SKAP2: variants seen among roughly 807,000 people sequenced by gnomAD.
SKAP2 encodes src kinase-associated phosphoprotein 2.
Under a neutral mutation model 54.9 loss-of-function variants are expected in SKAP2, and 28 were observed. That is an observed-to-expected ratio of 0.51 (90% CI 0.38 to 0.70). The LOEUF is 0.70. Among genes scored for constraint, SKAP2 ranks in the 30% least tolerant of loss-of-function variants. The pLI is 0.00. For missense variants in SKAP2, 356 were observed against 424.1 expected (o/e 0.84, Z 1.41); for synonymous variants, 137 against 134.3 (o/e 1.02, Z -0.14).
chr7:26,781,510 T>C (rs3801847), intron 4 of SKAP2, among the ~76,000 whole-genome samples: 45,508 of 152,108 alleles, frequency 0.3, 7,110 homozygotes, highest in Middle Eastern at 0.37. Context: ...AAACAGCTGA[T>C]GAGTCAACTT....
intron 9 of SKAP2, among the ~76,000 whole-genome samples, chr7:26,692,822 C>G (rs1479290332): frequency 1.3e-5 from 2 of 152,068 alleles, no homozygotes; most frequent in East Asian, 1.9e-4. Flanking sequence ...AGTCATTATT[C>G]CAACCTACTC....
In SKAP2 at chr7:26,701,295, A is replaced by T. The variant is rs115768004; in HGVS notation, c.797-10933T>A. 8.4e-3 allele frequency among the ~76,000 whole-genome samples: 1,282 copies of T among 152,322 alleles called. 16 individuals are homozygous for T. The highest frequency in any genetic ancestry group is 0.029 in the African/African-American group (1,218 of 41,570). On this transcript the variant is annotated intron_variant, in intron 9 of 12. Transcript: ENST00000345317. ...GAAACTGAGCTGTTTTCTCTGAACC[A>T]CTGTCTCTAATAAGTTTTGAAAACA...
At chr7:26,742,148 A>G (rs1782468666) in intron 4 of SKAP2, among the ~76,000 whole-genome samples, 1 of 152,192 alleles carries the variant, frequency 6.6e-6, no homozygotes, top group South Asian at 2.1e-4. Flanking sequence ...TTACAAACAG[A>G]AATCTTATCT....
intron 4 of SKAP2, among the ~76,000 whole-genome samples, chr7:26,769,302 A>G (rs939699228): frequency 2.0e-5 from 3 of 152,162 alleles, no homozygotes; most frequent in Non-Finnish European, 2.9e-5. Flanking sequence ...TTTCAGCTCC[A>G]TCAGGTCATT....
At chr7:26,838,451 A>T (rs974887895) in intron 4 of SKAP2, among the ~76,000 whole-genome samples, 1 of 152,174 alleles carries the variant, frequency 6.6e-6, no homozygotes, top group Admixed American at 6.5e-5. Flanking sequence ...TACCCGGTTC[A>T]AACTCTTCAT....
intron 9 of SKAP2, among the ~76,000 whole-genome samples, chr7:26,698,838 G>C (rs1786957697): frequency 6.6e-6 from 1 of 152,170 alleles, no homozygotes; most frequent in Non-Finnish European, 1.5e-5. Context: ...GATAAAATTT[G>C]AGCTTTCAAG....
intron 10 of SKAP2, among the ~76,000 whole-genome samples, chr7:26,688,040 GT>G (rs1308773130): frequency 6.6e-6 from 1 of 151,996 alleles, no homozygotes; most frequent in East Asian, 1.9e-4. Context: ...TTAAAACAAT[GT>G]TTTTACTCCT....
At chr7:26,753,627 A>C (rs1782730722) in intron 4 of SKAP2, among the ~76,000 whole-genome samples, 1 of 152,200 alleles carries the variant, frequency 6.6e-6, no homozygotes, top group African/African-American at 2.4e-5. Context: ...CACCTTTCAC[A>C]GTAGTCTTGA....
chr7:26,744,264 A>T (rs2127963576), intron 4 of SKAP2, among the ~76,000 whole-genome samples: 1 of 152,336 alleles, frequency 6.6e-6, no homozygotes, highest in East Asian at 1.9e-4. Context: ...AATTATTTCA[A>T]AATGAAAAAT....
intron 4 of SKAP2, among the ~76,000 whole-genome samples, chr7:26,839,527 C>A (rs76420478): frequency 0.01 from 1,539 of 151,914 alleles, 13 homozygotes; most frequent in Middle Eastern, 0.041. Flanking sequence ...GAACAAAATA[C>A]AAAAGATAAT....
Position 26,668,552 on chromosome 7 carries a change from A to T in SKAP2, c.*1114T>A, listed in dbSNP as rs1786158397. On this transcript the variant is annotated 3_prime_UTR_variant, in exon 13 of 13. Coordinates refer to ENST00000345317, the MANE Select transcript of SKAP2 (RefSeq NM_003930.5). Reference sequence around the variant, plus strand: ...TTTCAGTGCTCTGAGAAGTATATAGAAAAGCCTCAAATCTGCTGTTCTGCA... The same window carrying T: ...TTTCAGTGCTCTGAGAAGTATATAGTAAAGCCTCAAATCTGCTGTTCTGCA... 6.6e-6 allele frequency: 1 copy of T among 152,170 alleles called. No homozygotes were observed. Among genetic ancestry groups the T allele is most frequent in the African/African-American group, 2.4e-5 (1 of 41,434 alleles). The allele number at this position is 152,170 out of a possible 1,614,324, so 9.4% of individuals were successfully genotyped here. A position where few individuals can be genotyped will look rare whatever the true frequency, so the allele number is the denominator to read the frequency against.
At chr7:26,764,428 T>C (rs1041058348) in intron 4 of SKAP2, among the ~76,000 whole-genome samples, 2 of 152,184 alleles carry the variant, frequency 1.3e-5, no homozygotes, top group African/African-American at 2.4e-5. Flanking sequence ...ACTTCACTTA[T>C]AAAATGAGAG....
chr7:26,792,464 C>T (rs1364335806), intron 4 of SKAP2, among the ~76,000 whole-genome samples: 3 of 152,084 alleles, frequency 2.0e-5, no homozygotes, highest in Admixed American at 2.0e-4. Flanking sequence ...GAGCCACTGA[C>T]CTGTGTATCC....
intron 4 of SKAP2, among the ~76,000 whole-genome samples, chr7:26,768,151 T>C (rs1409740348): frequency 2.0e-5 from 3 of 152,232 alleles, no homozygotes; most frequent in Non-Finnish European, 4.4e-5. Context: ...CTGTATTGGA[T>C]GCATATATAT....
In SKAP2 at chr7:26,738,851, T is replaced by G; in HGVS notation, c.413A>C (p.Gln138Pro). The G allele has an allele frequency of 6.2e-7, 1 of 1,607,710 alleles. No individual in the cohort carries two copies. Among genetic ancestry groups the G allele is most frequent in the South Asian group, 1.1e-5 (1 of 90,934 alleles). Residue 138 changes from glutamine (Q) to proline (P), a missense_variant, in exon 6 of 13, where the codon CAG (glutamine) becomes CCG (proline). Gln to Pro is a moderately conservative substitution (Grantham distance 76). Transcript: ENST00000345317. Reference sequence around the variant, plus strand: ...TTTACTGAGAGCACACCACCGTTTCTGCCATTCAAATCCCAGAAAGCTGTG... The same window carrying G: ...TTTACTGAGAGCACACCACCGTTTCGGCCATTCAAATCCCAGAAAGCTGTG... ...KDHSFLGFEWQKRWCALSKTV... is the reference protein window; with the variant it reads ...KDHSFLGFEWPKRWCALSKTV...
In SKAP2 at chr7:26,679,155, G is replaced by A. The variant is rs201300970; in HGVS notation, c.987+5581C>T. ...CCACCTCTGCTCACCTTGCCTCTCT[G>A]ACACTGCCTTCTGGCTTTTCCTCTA... On this transcript the variant is annotated intron_variant, in intron 11 of 12. Coordinates refer to ENST00000345317, the MANE Select transcript of SKAP2 (RefSeq NM_003930.5). 1.4e-4 allele frequency among the ~76,000 whole-genome samples: 22 copies of A among 152,302 alleles called. No individual in the cohort carries two copies. The East Asian group carries it at 4.0e-3, about 28-fold the overall frequency.
rs4722639 is a variant in SKAP2, at chr7:26,787,354, C to T, written c.308-47390G>A. Among the ~76,000 whole-genome samples, 1,049 of 151,840 alleles carry T rather than the reference C, an allele frequency of 6.9e-3. 33 individuals carry two copies. The highest frequency in any genetic ancestry group is 0.05 in the East Asian group (258 of 5,158). On this transcript the variant is annotated intron_variant, in intron 4 of 12. Transcript: ENST00000345317. The stretch of plus-strand genomic sequence containing the variant: ...TTTTTCCTTTTTGAGACAGAGTCTT[C>T]CTCTGCCACCTAGGCTGGAGTGCGG...
At chr7:26,760,982 T>G (rs1162738338) in intron 4 of SKAP2, among the ~76,000 whole-genome samples, 1 of 152,160 alleles carries the variant, frequency 6.6e-6, no homozygotes, top group African/African-American at 2.4e-5. Flanking sequence ...ATATGGAAAT[T>G]AAGAGGATAT....
intron 11 of SKAP2, among the ~76,000 whole-genome samples, chr7:26,681,596 G>A (rs1211914660): frequency 1.3e-5 from 2 of 152,032 alleles, no homozygotes; most frequent in Non-Finnish European, 2.9e-5. Context: ...AATATTTTCA[G>A]AACTGACACA....
Sources: gnomAD v4.1 joint callset for allele counts (sites outside exome capture counted in the v4.1 genomes callset) on GRCh38, gnomAD v4.1.1 for gene constraint, MANE v1.5 for transcripts, NCBI Gene and HGNC (gene_info 2026-07-23, HGNC 2026-07-21) for gene names.